LRRC4C: variants seen among roughly 807,000 people sequenced by gnomAD.
The protein encoded by LRRC4C is leucine-rich repeat-containing protein 4C.
A neutral mutation model predicts 33.6 loss-of-function variants in LRRC4C; 5 were observed. The observed-to-expected ratio is 0.15, with a 90% CI of 0.08 to 0.31. The LOEUF (loss-of-function observed/expected upper bound fraction) is 0.31. Among genes scored for constraint, LRRC4C ranks in the 10% least tolerant of loss-of-function variants. The pLI is 1.00. For missense variants in LRRC4C, 560 were observed against 796.7 expected, an observed-to-expected ratio of 0.70 and a Z score of 3.58; for synonymous variants, 329 against 302.0, an observed-to-expected ratio of 1.09 and a Z score of -0.93.
chr11:41,119,728 G>A (rs1290834193), intron 1 of LRRC4C, among the ~76,000 whole-genome samples: 1 of 152,172 alleles, frequency 6.6e-6, no homozygotes, highest in Non-Finnish European at 1.5e-5. Context: ...TGTGTTTCCT[G>A]TGATGGCTTT....
chr11:40,884,570 A>T (rs149602655), intron 2 of LRRC4C, among the ~76,000 whole-genome samples: 2 of 152,098 alleles, frequency 1.3e-5, no homozygotes, highest in Non-Finnish European at 2.9e-5. Flanking sequence ...AGCTGGTTTT[A>T]TAGAAGGAAC....
At chr11:41,166,811 A>C (rs181308333) in intron 1 of LRRC4C, among the ~76,000 whole-genome samples, 1 of 152,322 alleles carries the variant, frequency 6.6e-6, no homozygotes, top group East Asian at 1.9e-4. Context: ...CGGAGGAATG[A>C]GGGTAAACAA....
chr11:40,619,595 AT>A (rs1460078573), intron 3 of LRRC4C, among the ~76,000 whole-genome samples: 1 of 151,558 alleles, frequency 6.6e-6, no homozygotes, highest in Non-Finnish European at 1.5e-5. Context: ...ACCTCTGGCT[AT>A]TTTCTTCTAA....
chr11:40,751,707 T>G (rs534409820), intron 2 of LRRC4C, among the ~76,000 whole-genome samples: 1 of 152,112 alleles, frequency 6.6e-6, no homozygotes, highest in Non-Finnish European at 1.5e-5. Context: ...CTCCAATCCT[T>G]ATCAAAATAC....
intron 3 of LRRC4C, among the ~76,000 whole-genome samples, chr11:40,514,300 T>C (rs1018864496): frequency 2.0e-5 from 3 of 152,196 alleles, no homozygotes; most frequent in Non-Finnish European, 4.4e-5. Context: ...GCAAAGGGCT[T>C]AGCACAGTGC....
intron 5 of LRRC4C, among the ~76,000 whole-genome samples, chr11:40,203,531 G>A (rs1862922929): frequency 6.6e-6 from 1 of 152,106 alleles, no homozygotes; most frequent in Admixed American, 6.5e-5. Context: ...GAGGTAGTTG[G>A]TTACTAAAAG....
chr11:41,123,480 G>T (rs1277837059), intron 1 of LRRC4C, among the ~76,000 whole-genome samples: 1 of 150,520 alleles, frequency 6.6e-6, no homozygotes, highest in African/African-American at 2.4e-5. Flanking sequence ...CACCGTTTTA[G>T]CCGGGATGGT....
At chr11:40,832,490 T>A (rs987937110) in intron 2 of LRRC4C, among the ~76,000 whole-genome samples, 1 of 152,112 alleles carries the variant, frequency 6.6e-6, no homozygotes, top group Non-Finnish European at 1.5e-5. Context: ...AGAAACACGA[T>A]ACTTTATTAA....
chr11:40,934,468 T>C (rs964389271), intron 1 of LRRC4C, among the ~76,000 whole-genome samples: 3 of 152,332 alleles, frequency 2.0e-5, no homozygotes, highest in Admixed American at 6.5e-5. Flanking sequence ...TAACAGACAT[T>C]CACACATTAC....
At position 40,115,417 on chromosome 11, in the gene LRRC4C, A is replaced by G. The variant is rs1220370120; in HGVS notation, c.876T>C (p.His292=). 1.1e-5 allele frequency: 18 copies of G among 1,614,220 alleles called. No homozygotes were observed. The highest frequency in any genetic ancestry group is 1.5e-5 in the Non-Finnish European group (18 of 1,180,036). ...TGTGATGTAAATGTATCCGCTCTAG[A>G]TGATGCAAGGGAGTGAAGAGGTCAT... ...LPHDLFTPLH[H]LERIHLHHNP... Residue 292 remains histidine (H), a synonymous_variant, in exon 7 of 7, where the codon CAT becomes CAC. Transcript: ENST00000528697. This position sits in a 1 kb window ranked among gnomAD's most constrained non-coding sequence, Gnocchi z 6.7.
At chr11:40,777,690 T>A (rs1049894596) in intron 2 of LRRC4C, among the ~76,000 whole-genome samples, 2 of 151,484 alleles carry the variant, frequency 1.3e-5, no homozygotes, top group Non-Finnish European at 2.9e-5. Context: ...TTTTTTATTT[T>A]TTTTATTTTT....
intron 3 of LRRC4C, among the ~76,000 whole-genome samples, chr11:40,561,911 C>T (rs1957565609): frequency 6.6e-6 from 1 of 152,168 alleles, no homozygotes; most frequent in South Asian, 2.1e-4. Context: ...TAATCTGTTA[C>T]TCCATAATGG....
At chr11:40,431,157 A>G (rs1397556235) in intron 3 of LRRC4C, among the ~76,000 whole-genome samples, 1 of 149,276 alleles carries the variant, frequency 6.7e-6, no homozygotes, top group African/African-American at 2.5e-5. Flanking sequence ...AAAAAAAAAG[A>G]ACAATCAGCC....
At chr11:41,158,812 A>G (rs1944342942) in intron 1 of LRRC4C, among the ~76,000 whole-genome samples, 1 of 152,200 alleles carries the variant, frequency 6.6e-6, no homozygotes, top group Non-Finnish European at 1.5e-5. Flanking sequence ...CTCAATAGAT[A>G]GGAAAAAATA....
At chr11:40,312,979 A>G (rs1245998846) in intron 4 of LRRC4C, among the ~76,000 whole-genome samples, 6 of 152,046 alleles carry the variant, frequency 3.9e-5, no homozygotes, top group African/African-American at 1.5e-4. Flanking sequence ...TTTGCCACTC[A>G]TCCACTCCTT....
chr11:40,318,811 A>G (rs1248289008), intron 4 of LRRC4C, among the ~76,000 whole-genome samples: 1 of 152,216 alleles, frequency 6.6e-6, no homozygotes, highest in African/African-American at 2.4e-5. Context: ...AAATAAGTAA[A>G]AACATAAATG....
chr11:40,416,049 T>A (rs1440142330), intron 3 of LRRC4C, among the ~76,000 whole-genome samples: 5 of 152,194 alleles, frequency 3.3e-5, no homozygotes, highest in Non-Finnish European at 7.3e-5. Flanking sequence ...TTGTATTTTA[T>A]TTTTACTCAG....
chr11:40,130,252 G>A (rs1856554030), intron 6 of LRRC4C, among the ~76,000 whole-genome samples: 1 of 152,108 alleles, frequency 6.6e-6, no homozygotes, highest in Non-Finnish European at 1.5e-5. Flanking sequence ...CCAATGATTA[G>A]AAATATGCCT....
At chr11:40,932,717 C>G (rs1437925353) in intron 2 of LRRC4C, among the ~76,000 whole-genome samples, 3 of 152,102 alleles carry the variant, frequency 2.0e-5, no homozygotes. Context: ...CAAATAGCCT[C>G]ATCTTTTTTT....
Sources: gnomAD v4.1 joint callset for allele counts (sites outside exome capture counted in the v4.1 genomes callset) on GRCh38, gnomAD v4.1.1 for gene constraint, Gnocchi (gnomAD v3.1) non-coding constraint, MANE v1.5 for transcripts, NCBI Gene and HGNC (gene_info 2026-07-23, HGNC 2026-07-21) for gene names.